Variants in THSD7A observed in about 807,000 individuals in gnomAD.
THSD7A encodes thrombospondin type 1 domain containing 7A, also known as thrombospondin type-1 domain-containing protein 7A.
Under a neutral mutation model 231.3 loss-of-function variants are expected in THSD7A, and 96 were observed. The ratio of observed to expected loss-of-function variants is 0.41; its 90% CI spans 0.35 to 0.49. THSD7A has a LOEUF of 0.49. Ranked by LOEUF, THSD7A falls within the 20% of genes least tolerant of loss-of-function variation. THSD7A has a pLI of 0.05. For missense variants in THSD7A, 2,290 were observed against 2,070.2 expected (o/e 1.11, Z -2.06); for synonymous variants, 940 against 743.3 (o/e 1.26, Z -4.30).
At chr7:11,630,377 G>T (rs965092503) in intron 2 of THSD7A, among the ~76,000 whole-genome samples, 36 of 152,110 alleles carry the variant, frequency 2.4e-4, no homozygotes, top group African/African-American at 8.5e-4. Flanking sequence ...AAATGCTAAG[G>T]CTGAATTTAT....
chr7:11,641,996 T>C (rs1782100341), intron 1 of THSD7A, among the ~76,000 whole-genome samples: 1 of 152,134 alleles, frequency 6.6e-6, no homozygotes, highest in Non-Finnish European at 1.5e-5. Context: ...AAGGACCACA[T>C]TCAATAGAAA....
rs192740205 is a variant in THSD7A at position 11,461,284 on chromosome 7, G to C, written c.2502-519C>G. ...TGCATGGTGTAAGTATACAATTATA[G>C]TATTTGTCATCTCAGAATTAAAGAT... On this transcript the variant is annotated intron_variant, in intron 10 of 27. Transcript: ENST00000423059. Among the ~76,000 whole-genome samples the C allele has an allele frequency of 2.6e-5, 4 of 152,248 alleles. No individual in the cohort carries two copies. The East Asian group carries it at 5.8e-4, about 22-fold the overall frequency.
At chr7:11,487,524 A>G (rs112344933) in intron 6 of THSD7A, among the ~76,000 whole-genome samples, 31 of 152,286 alleles carry the variant, frequency 2.0e-4, no homozygotes, top group African/African-American at 7.2e-4. Flanking sequence ...TGCAAAATAT[A>G]CACATATTTG....
At chr7:11,395,220 C>T (rs1266778681) in intron 23 of THSD7A, among the ~76,000 whole-genome samples, 4 of 150,906 alleles carry the variant, frequency 2.7e-5, no homozygotes, top group African/African-American at 9.7e-5. Context: ...TCAAAAGAGA[C>T]AAAGAAGAGC....
intron 1 of THSD7A, among the ~76,000 whole-genome samples, chr7:11,642,107 C>T (rs971738420): frequency 2.0e-5 from 3 of 152,122 alleles, no homozygotes; most frequent in Non-Finnish European, 4.4e-5. Flanking sequence ...AATTTGAAAA[C>T]ACAATATGCA....
chr7:11,662,578 T>C (rs1173189046), intron 1 of THSD7A, among the ~76,000 whole-genome samples: 1 of 151,344 alleles, frequency 6.6e-6, no homozygotes, highest in Non-Finnish European at 1.5e-5. Flanking sequence ...CACACACATA[T>C]AAATACAAAA....
chr7:11,625,807 G>C (rs909742050), intron 2 of THSD7A, among the ~76,000 whole-genome samples: 5 of 151,930 alleles, frequency 3.3e-5, no homozygotes, highest in African/African-American at 1.2e-4. Context: ...ATTCTTGTTT[G>C]AGTCAGAGCG....
intron 4 of THSD7A, among the ~76,000 whole-genome samples, chr7:11,576,501 G>A (rs564827619): frequency 2.0e-5 from 3 of 152,292 alleles, no homozygotes; most frequent in African/African-American, 7.2e-5. Context: ...AAGAGTCACT[G>A]CGATTCATAG....
Position 11,832,160 on chromosome 7 carries a change from T to G in THSD7A, c.-214A>C. ...CCGCTGCCGCCGCCGCCGCCGCCTC[T>G]GGCGGGGATGCTGCTGCCGCTGCCA... On this transcript the variant is annotated 5_prime_UTR_variant, in exon 1 of 28. Coordinates refer to ENST00000423059, the MANE Select transcript of THSD7A (RefSeq NM_015204.3). 6.0e-6 allele frequency: 2 copies of G among 331,414 alleles called. No homozygotes were observed. The highest frequency in any genetic ancestry group is 1.1e-5 in the Non-Finnish European group (2 of 186,222). 20.5% of individuals were successfully genotyped at this position (331,414 alleles called of 1,614,324 possible). A position where few individuals can be genotyped will look rare whatever the true frequency, so the allele number is the denominator to read the frequency against.
At chr7:11,391,486 TG>T (rs938108324) in intron 23 of THSD7A, among the ~76,000 whole-genome samples, 67 of 152,062 alleles carry the variant, frequency 4.4e-4, no homozygotes, top group African/African-American at 1.6e-3. Context: ...ACTGCTGTGC[TG>T]GCAGCGAGAA....
chr7:11,542,919 C>G, intron 5 of THSD7A, 43 bp downstream of exon 5: 1 of 1,577,192 alleles, frequency 6.3e-7, no homozygotes, highest in Non-Finnish European at 8.6e-7. Context: ...TGATTTGATA[C>G]AATTGGTGGG....
intron 1 of THSD7A, among the ~76,000 whole-genome samples, chr7:11,806,988 C>T (rs915381389): frequency 6.6e-6 from 1 of 152,092 alleles, no homozygotes; most frequent in Admixed American, 6.6e-5. Flanking sequence ...CAATCTCTCT[C>T]TCTCTAAATA....
chr7:11,614,613 T>C (rs541504370), intron 2 of THSD7A, among the ~76,000 whole-genome samples: 20 of 152,296 alleles, frequency 1.3e-4, no homozygotes, highest in African/African-American at 4.3e-4. Context: ...TAAAGAAAAA[T>C]TGAATACACA....
chr7:11,437,350 C>T (rs7806853), intron 13 of THSD7A, among the ~76,000 whole-genome samples: 2,081 of 152,190 alleles, frequency 0.014, 55 homozygotes, highest in African/African-American at 0.047. Flanking sequence ...GATCTCCACA[C>T]CTTATTTAAA....
intron 6 of THSD7A, among the ~76,000 whole-genome samples, chr7:11,502,464 T>A (rs377061971): frequency 6.6e-6 from 1 of 152,190 alleles, no homozygotes; most frequent in Non-Finnish European, 1.5e-5. Context: ...ATCCCCAGGA[T>A]ACAAGACTGG....
chr7:11,481,537 A>C (rs1786423784), intron 7 of THSD7A, among the ~76,000 whole-genome samples: 1 of 152,260 alleles, frequency 6.6e-6, no homozygotes, highest in Admixed American at 6.5e-5. Flanking sequence ...AACTCTAATG[A>C]CTGGAAGGGT....
At chr7:11,629,846 T>C (rs1781592063) in intron 2 of THSD7A, among the ~76,000 whole-genome samples, 1 of 152,196 alleles carries the variant, frequency 6.6e-6, no homozygotes, top group Non-Finnish European at 1.5e-5. Flanking sequence ...TGGTGTTTGT[T>C]TGGGGTTCAT....
chr7:11,486,749 G>T (rs1786675970), intron 6 of THSD7A, among the ~76,000 whole-genome samples: 1 of 152,002 alleles, frequency 6.6e-6, no homozygotes, highest in Non-Finnish European at 1.5e-5. Context: ...AAACATAAAT[G>T]GTTTCAAAGG....
chr7:11,677,962 A>C (rs1274428650), intron 1 of THSD7A, among the ~76,000 whole-genome samples: 1 of 152,206 alleles, frequency 6.6e-6, no homozygotes, highest in Non-Finnish European at 1.5e-5. Context: ...ACTCCTCAGC[A>C]AATGCAAAAG....
Sources: allele counts gnomAD v4.1 joint callset (sites outside exome capture counted in the v4.1 genomes callset), GRCh38; gene constraint gnomAD v4.1.1; transcripts MANE v1.5; gene names NCBI Gene and HGNC (gene_info 2026-07-23, HGNC 2026-07-21).